NCK2: variants seen among roughly 807,000 people sequenced by gnomAD.
NCK2 encodes the protein cytoplasmic protein NCK2.
Under a neutral mutation model 33.9 loss-of-function variants are expected in NCK2, and 16 were observed. The ratio of observed to expected loss-of-function variants is 0.47; its 90% CI spans 0.32 to 0.72. The LOEUF (loss-of-function observed/expected upper bound fraction) is 0.72. Ranked by LOEUF, NCK2 falls within the 30% of genes least tolerant of loss-of-function variation. The pLI, the probability that NCK2 is intolerant of heterozygous loss-of-function variation, is 0.03. For synonymous variants in NCK2, 273 were observed against 239.9 expected (o/e 1.14, Z -1.27); for missense variants, 418 against 537.3 (o/e 0.78, Z 2.19).
At position 105,829,132 on chromosome 2, in the gene NCK2, A is replaced by G. The variant is rs114171298; in HGVS notation, c.-17+12519A>G. ...TGCTTGGCCTGTATGCTTTCTTTTT[A>G]AAATTTCCATTTGTGATATTTGATA... On this transcript the variant is annotated intron_variant, in intron 2 of 4. Transcript: ENST00000233154. 6.9e-3 allele frequency among the ~76,000 whole-genome samples: 1,055 copies of G among 152,182 alleles called. 15 individuals carry two copies. The highest frequency in any genetic ancestry group is 0.023 in the African/African-American group (969 of 41,504).
chr2:105,807,623 C>T (rs1675098863), intron 1 of NCK2, among the ~76,000 whole-genome samples: 1 of 151,912 alleles, frequency 6.6e-6, no homozygotes, highest in African/African-American at 2.4e-5. Context: ...GCTGGGCAGC[C>T]CTTGAGCCCC....
At chr2:105,865,816 A>G (rs1677728368) in intron 3 of NCK2, among the ~76,000 whole-genome samples, 1 of 152,184 alleles carries the variant, frequency 6.6e-6, no homozygotes, top group African/African-American at 2.4e-5. Flanking sequence ...GTTTTCTGCA[A>G]ACAGATATTC....
At chr2:105,810,414 T>G (rs968237124) in intron 1 of NCK2, among the ~76,000 whole-genome samples, 1 of 152,174 alleles carries the variant, frequency 6.6e-6, no homozygotes, top group Admixed American at 6.5e-5. Flanking sequence ...GACTCCTCAC[T>G]CTTCCCTCCC....
intron 1 of NCK2, among the ~76,000 whole-genome samples, chr2:105,781,119 C>T (rs932597008): frequency 1.3e-5 from 2 of 152,210 alleles, no homozygotes; most frequent in Non-Finnish European, 2.9e-5. Context: ...AGATACAGAT[C>T]TAATTGTTTT....
chr2:105,849,065 TCC>T (rs1169343438), intron 2 of NCK2, among the ~76,000 whole-genome samples: 1 of 152,190 alleles, frequency 6.6e-6, no homozygotes, highest in African/African-American at 2.4e-5. Context: ...TGTTTTTGTC[TCC>T]CTGCGTATAT....
At chr2:105,830,717 T>TGTG (rs1352679713) in intron 2 of NCK2, among the ~76,000 whole-genome samples, 6,638 of 97,574 alleles carry the variant, frequency 0.068, 230 homozygotes, top group Middle Eastern at 0.096. Flanking sequence ...GTGTGTGTGT[T>TGTG]TGGTCTGATA....
intron 1 of NCK2, among the ~76,000 whole-genome samples, chr2:105,750,068 A>ACACACACACACACACACAC (rs1553449505): frequency 2.0e-5 from 3 of 151,142 alleles, no homozygotes; most frequent in Admixed American, 6.6e-5. Context: ...ACACACACAC[A>ACACACACACACACACACAC]AAACAACAAC....
At chr2:105,889,263 T>TG (rs1453389305) in intron 4 of NCK2, among the ~76,000 whole-genome samples, 4 of 152,236 alleles carry the variant, frequency 2.6e-5, no homozygotes, top group African/African-American at 9.6e-5. Flanking sequence ...GAGAGATGTC[T>TG]GGAGCAGAGC....
intron 3 of NCK2, among the ~76,000 whole-genome samples, chr2:105,879,269 C>A (rs1205530076): frequency 6.6e-6 from 1 of 152,226 alleles, no homozygotes; most frequent in Admixed American, 6.5e-5. Context: ...AGCCCTCACG[C>A]CCCGGCTTGC....
chr2:105,784,074 G>T (rs1423210376), intron 1 of NCK2, among the ~76,000 whole-genome samples: 1 of 152,200 alleles, frequency 6.6e-6, no homozygotes, highest in Non-Finnish European at 1.5e-5. Context: ...TGGCAGTGAT[G>T]AAATTCATTT....
chr2:105,795,794 T>C (rs1277250988), intron 1 of NCK2, among the ~76,000 whole-genome samples: 1 of 152,168 alleles, frequency 6.6e-6, no homozygotes, highest in African/African-American at 2.4e-5. Flanking sequence ...ATTTGAGTCA[T>C]TATTCCTCCC....
intron 2 of NCK2, among the ~76,000 whole-genome samples, chr2:105,848,983 T>C (rs1481672329): frequency 6.6e-6 from 1 of 152,254 alleles, no homozygotes; most frequent in East Asian, 1.9e-4. Flanking sequence ...AAATATATTT[T>C]GGTATGCACA....
chr2:105,794,298 C>T (rs1047186513), intron 1 of NCK2, among the ~76,000 whole-genome samples: 6 of 152,102 alleles, frequency 3.9e-5, no homozygotes, highest in East Asian at 3.9e-4. Context: ...GTGATCCGCC[C>T]GCCTCAGCCT....
chr2:105,875,688 C>T (rs1678209033), intron 3 of NCK2, among the ~76,000 whole-genome samples: 1 of 152,222 alleles, frequency 6.6e-6, no homozygotes, highest in Non-Finnish European at 1.5e-5. Flanking sequence ...GGGCCCTCAC[C>T]AGACACCGAA....
chr2:105,827,906 T>C (rs1246284341), intron 2 of NCK2, among the ~76,000 whole-genome samples: 1 of 152,060 alleles, frequency 6.6e-6, no homozygotes, highest in African/African-American at 2.4e-5. Context: ...GTTATAGGAG[T>C]TTACACACAT....
chr2:105,801,019 C>G (rs1674813977), intron 1 of NCK2, among the ~76,000 whole-genome samples: 2 of 152,154 alleles, frequency 1.3e-5, no homozygotes, highest in Admixed American at 1.3e-4. Flanking sequence ...CAGAAAAAAG[C>G]AGAAGCAGGG....
intron 1 of NCK2, among the ~76,000 whole-genome samples, chr2:105,778,818 G>C (rs1690394321): frequency 6.6e-6 from 1 of 151,992 alleles, no homozygotes; most frequent in Admixed American, 6.6e-5. Context: ...AAACTTCTGG[G>C]TTCCAGTGAT....
intron 1 of NCK2, among the ~76,000 whole-genome samples, chr2:105,788,162 G>A (rs1690746499): frequency 6.6e-6 from 1 of 152,174 alleles, no homozygotes; most frequent in Non-Finnish European, 1.5e-5. Context: ...GGAGGAAGGA[G>A]GCCAATTCTA....
chr2:105,850,206 C>G (rs919630302), intron 2 of NCK2, among the ~76,000 whole-genome samples: 1 of 152,120 alleles, frequency 6.6e-6, no homozygotes, highest in Non-Finnish European at 1.5e-5. Context: ...CCTTGATCCC[C>G]GTGACCTCTT....
Sources: gnomAD v4.1 joint callset for allele counts (sites outside exome capture counted in the v4.1 genomes callset) on GRCh38, gnomAD v4.1.1 for gene constraint, MANE v1.5 for transcripts, NCBI Gene and HGNC (gene_info 2026-07-23, HGNC 2026-07-21) for gene names.